The following TSPAN9 variants were observed in gnomAD, a reference collection of about 807,000 sequenced individuals.
TSPAN9 encodes tetraspanin-9.
In TSPAN9, 16 loss-of-function variants were observed where a neutral mutation model predicts 31.0. The observed-to-expected ratio is 0.52, with a 90% CI of 0.35 to 0.78. TSPAN9 has a LOEUF of 0.78. Among genes scored for constraint, TSPAN9 ranks in the 30% least tolerant of loss-of-function variants. The pLI, the probability that TSPAN9 is intolerant of heterozygous loss-of-function variation, is 0.01. For synonymous variants in TSPAN9, 145 were observed against 121.6 expected, an observed-to-expected ratio of 1.19 and a Z score of -1.27; for missense variants, 272 against 312.5, an observed-to-expected ratio of 0.87 and a Z score of 0.98.
At chr12:3,136,025 C>T (rs576537547) in intron 2 of TSPAN9, among the ~76,000 whole-genome samples, 5 of 152,172 alleles carry the variant, frequency 3.3e-5, no homozygotes, top group Non-Finnish European at 5.9e-5. Context: ...TGTTGCTCCC[C>T]GAGGAGTCCC....
chr12:3,259,005 A>G (rs1862401573), intron 3 of TSPAN9, among the ~76,000 whole-genome samples: 1 of 152,184 alleles, frequency 6.6e-6, no homozygotes, highest in Non-Finnish European at 1.5e-5. Flanking sequence ...AATTAGAAAT[A>G]GAGTGTGGGT....
intron 2 of TSPAN9, among the ~76,000 whole-genome samples, chr12:3,146,430 C>T (rs12423677): frequency 0.23 from 35,689 of 152,092 alleles, 5,403 homozygotes; most frequent in East Asian, 0.48. Flanking sequence ...GTCTGTCTAC[C>T]CTCCGTCTCT....
chr12:3,162,712 C>G (rs1233205457), intron 2 of TSPAN9, among the ~76,000 whole-genome samples: 1 of 152,188 alleles, frequency 6.6e-6, no homozygotes. Flanking sequence ...CCCCTCAGCT[C>G]TTTCTCAGCA....
At chr12:3,254,426 C>A (rs1325359013) in intron 3 of TSPAN9, among the ~76,000 whole-genome samples, 1 of 152,228 alleles carries the variant, frequency 6.6e-6, no homozygotes, top group East Asian at 1.9e-4. Flanking sequence ...AGTGCCCAGC[C>A]TTGCCCCTTC....
chr12:3,109,871 C>T (rs1014496881), intron 2 of TSPAN9, among the ~76,000 whole-genome samples: 6 of 151,038 alleles, frequency 4.0e-5, no homozygotes, highest in African/African-American at 1.2e-4. Flanking sequence ...TTGATGATAG[C>T]AACACAATCT....
intron 2 of TSPAN9, among the ~76,000 whole-genome samples, chr12:3,100,982 G>A (rs1252675980): frequency 1.3e-5 from 2 of 152,168 alleles, no homozygotes; most frequent in African/African-American, 4.8e-5. Flanking sequence ...GTACCATCCC[G>A]GGTGTGGAGC....
At chr12:3,278,342 G>A in intron 3 of TSPAN9, 79 bp from the exon 4 acceptor site, 2 of 1,551,108 alleles carry the variant, frequency 1.3e-6, no homozygotes, top group Middle Eastern at 2.0e-4. Flanking sequence ...AGAGCATGGG[G>A]TGGGGACCTG....
chr12:3,278,665 G>C, intron 4 of TSPAN9, 53 bp downstream of exon 4: 3 of 1,576,416 alleles, frequency 1.9e-6, no homozygotes, highest in Non-Finnish European at 2.6e-6. Context: ...CCTTGCACTT[G>C]GACCCCTGGG....
At chr12:3,279,640 T>C (rs751910191) in intron 5 of TSPAN9, among the ~76,000 whole-genome samples, 2 of 152,210 alleles carry the variant, frequency 1.3e-5, no homozygotes, top group Non-Finnish European at 2.9e-5. Flanking sequence ...TTGGCCGGGA[T>C]TTCAGTCTCT....
chr12:3,229,681 C>T (rs1187296895), intron 3 of TSPAN9, among the ~76,000 whole-genome samples: 2 of 152,204 alleles, frequency 1.3e-5, no homozygotes, highest in Non-Finnish European at 2.9e-5. Context: ...GGCTGTGTGC[C>T]ATCTTCCTGC....
chr12:3,237,180 A>G (rs768637851), intron 3 of TSPAN9, among the ~76,000 whole-genome samples: 13 of 152,162 alleles, frequency 8.5e-5, no homozygotes, highest in Non-Finnish European at 1.8e-4. Flanking sequence ...AATTTGGGCC[A>G]CGGGGTCATT....
At chr12:3,220,859 T>C (rs1329384339) in intron 3 of TSPAN9, among the ~76,000 whole-genome samples, 2 of 152,114 alleles carry the variant, frequency 1.3e-5, no homozygotes, top group African/African-American at 4.8e-5. Context: ...GGGCCCTTCC[T>C]ATCTTAGACC....
intron 3 of TSPAN9, among the ~76,000 whole-genome samples, chr12:3,264,985 C>T (rs1435950714): frequency 6.6e-6 from 1 of 152,190 alleles, no homozygotes; most frequent in Non-Finnish European, 1.5e-5. Context: ...GGCCATTGTC[C>T]TATCTCACAC....
intron 2 of TSPAN9, among the ~76,000 whole-genome samples, chr12:3,113,435 G>A (rs965956293): frequency 2.0e-5 from 3 of 152,114 alleles, no homozygotes; most frequent in Non-Finnish European, 2.9e-5. Context: ...GAGAAATTGG[G>A]CTTGTTTCTT....
At chr12:3,179,740 T>G (rs979908263) in intron 2 of TSPAN9, among the ~76,000 whole-genome samples, 55 of 152,308 alleles carry the variant, frequency 3.6e-4, no homozygotes, top group African/African-American at 1.1e-3. Flanking sequence ...TTACATATTG[T>G]CCATTCCAGA....
chr12:3,081,592 A>T (rs1204706972), intron 1 of TSPAN9, among the ~76,000 whole-genome samples: 1 of 151,826 alleles, frequency 6.6e-6, no homozygotes, highest in African/African-American at 2.4e-5. Context: ...TTCTGTCTTC[A>T]TTTTGCTCCT....
intron 3 of TSPAN9, among the ~76,000 whole-genome samples, chr12:3,260,489 G>A (rs1862428385): frequency 6.6e-6 from 1 of 152,212 alleles, no homozygotes; most frequent in Admixed American, 6.5e-5. Context: ...ACACAGAACA[G>A]GGCGAACCCT....
rs572953475 is a variant in TSPAN9 at position 3,079,327 on chromosome 12, CAGAG to C, written c.-85+1878_-85+1881del. Among the ~76,000 whole-genome samples, 620 of 152,266 alleles carry C rather than the reference CAGAG, an allele frequency of 4.1e-3. 1 individual carries two copies. The highest frequency in any genetic ancestry group is 7.2e-3 in the Non-Finnish European group (488 of 68,032). On this transcript the variant is annotated intron_variant, in intron 1 of 8. Coordinates refer to ENST00000011898, the MANE Select transcript of TSPAN9 (RefSeq NM_006675.5). ...TCTTATAGGTTAAGAAAATGATACT[CAGAG>C]AGAATAAGTATCTTATCTAAGGTCA...
At chr12:3,101,625 C>T (rs764357282) in intron 2 of TSPAN9, among the ~76,000 whole-genome samples, 4 of 152,168 alleles carry the variant, frequency 2.6e-5, no homozygotes, top group South Asian at 2.1e-4. Flanking sequence ...GGATTCTTCT[C>T]GGGCCTCACG....
Sources: allele counts gnomAD v4.1 joint callset (sites outside exome capture counted in the v4.1 genomes callset), GRCh38; gene constraint gnomAD v4.1.1; transcripts MANE v1.5; gene names NCBI Gene and HGNC (gene_info 2026-07-23, HGNC 2026-07-21).